Variants in TLE1 observed in about 807,000 individuals in gnomAD.
TLE1 encodes TLE family member 1, transcriptional corepressor.
Under a neutral mutation model 89.8 loss-of-function variants are expected in TLE1, and 21 were observed. The observed-to-expected ratio is 0.23, with a 90% CI of 0.17 to 0.34. The LOEUF (loss-of-function observed/expected upper bound fraction) is 0.34. Ranked by LOEUF, TLE1 falls within the 10% of genes least tolerant of loss-of-function variation. The pLI is 1.00. For missense variants in TLE1, 795 were observed against 1,031.2 expected (o/e 0.77, Z 3.14); for synonymous variants, 447 against 407.6 (o/e 1.10, Z -1.16).
At chr9:81,655,646 C>A (rs186969233) in intron 4 of TLE1, among the ~76,000 whole-genome samples, 41 of 151,914 alleles carry the variant, frequency 2.7e-4, no homozygotes, top group Non-Finnish European at 4.6e-4. Flanking sequence ...ATCATTTTGT[C>A]AATGCTTACT....
chr9:81,652,357 A>C (rs577255999), intron 5 of TLE1, 69 bp from the exon 6 acceptor site: 1 of 1,367,450 alleles, frequency 7.3e-7, no homozygotes, highest in East Asian at 2.3e-5. Context: ...CTAACAACAA[A>C]AAGTCAAATG....
At chr9:81,652,144 G>A (rs779938185) in intron 6 of TLE1, 70 bp downstream of exon 6, 2 of 1,087,124 alleles carry the variant, frequency 1.8e-6, no homozygotes, top group Non-Finnish European at 2.6e-6. Context: ...CACACGTAAA[G>A]CCATCAAATT....
intron 5 of TLE1, among the ~76,000 whole-genome samples, chr9:81,653,005 C>G (rs945529424): frequency 6.6e-6 from 1 of 152,060 alleles, no homozygotes; most frequent in Non-Finnish European, 1.5e-5. Flanking sequence ...CCACACCTCC[C>G]AACTCCCAAC....
chr9:81,629,558 G>C (rs995770361), intron 8 of TLE1, among the ~76,000 whole-genome samples: 34 of 152,104 alleles, frequency 2.2e-4, no homozygotes, highest in African/African-American at 7.5e-4. Flanking sequence ...TTCACTCTTA[G>C]AACAGCCATG....
In TLE1 at chr9:81,687,320, G is replaced by A. The variant is rs777050238; in HGVS notation, c.125+14C>T. 1.3e-6 allele frequency: 2 copies of A among 1,593,412 alleles called. No homozygotes were observed. Among genetic ancestry groups the A allele is most frequent in the Non-Finnish European group, 1.7e-6 (2 of 1,171,340 alleles). On this transcript the variant is annotated intron_variant, in intron 2 of 19. Coordinates refer to ENST00000376499, the MANE Select transcript of TLE1 (RefSeq NM_005077.5). Reference sequence around the variant, plus strand: ...ACGCCCGCGACCACTCGCATGGCGCGGCCGGACACGCACCTGTGATACTGC... The same window carrying A: ...ACGCCCGCGACCACTCGCATGGCGCAGCCGGACACGCACCTGTGATACTGC...
chr9:81,633,387 A>G, intron 7 of TLE1, 23 bp from the exon 8 acceptor site: 1 of 1,613,966 alleles, frequency 6.2e-7, no homozygotes. Context: ...TTACCAAGAA[A>G]CGCACAGACA....
chr9:81,669,230 G>C (rs1831892040), intron 4 of TLE1, among the ~76,000 whole-genome samples: 1 of 152,188 alleles, frequency 6.6e-6, no homozygotes, highest in African/African-American at 2.4e-5. Flanking sequence ...TCTGTGGTGA[G>C]GATGAGAGGA....
intron 14 of TLE1, among the ~76,000 whole-genome samples, chr9:81,608,469 G>A (rs1482694876): frequency 6.6e-6 from 1 of 152,076 alleles, no homozygotes; most frequent in Non-Finnish European, 1.5e-5. Context: ...AGCTGTGATT[G>A]TGCCACTGCA....
At chr9:81,593,671 C>T (rs1457479345) in intron 14 of TLE1, among the ~76,000 whole-genome samples, 2 of 152,022 alleles carry the variant, frequency 1.3e-5, no homozygotes, top group East Asian at 3.9e-4. Context: ...ATTGTTTTCC[C>T]TGCTAAAGAT....
chr9:81,649,679 C>A (rs1588119575), intron 6 of TLE1, among the ~76,000 whole-genome samples: 2 of 152,268 alleles, frequency 1.3e-5, no homozygotes, highest in East Asian at 3.9e-4. Context: ...ACAATACTGA[C>A]AGCTGCTATC....
chr9:81,659,007 A>C (rs2627003), intron 4 of TLE1, among the ~76,000 whole-genome samples: 70,253 of 151,744 alleles, frequency 0.46, 17,344 homozygotes, highest in East Asian at 0.65. Flanking sequence ...CTCCCTGGTT[A>C]AAGCAATTCT....
intron 4 of TLE1, among the ~76,000 whole-genome samples, chr9:81,676,311 T>C (rs144257500): frequency 2.8e-4 from 42 of 152,254 alleles, no homozygotes; most frequent in African/African-American, 9.4e-4. Context: ...GACTGCAACC[T>C]AGTCGGAGCA....
chr9:81,642,718 GGAAA>G (rs1026097170), intron 6 of TLE1, among the ~76,000 whole-genome samples: 6 of 151,078 alleles, frequency 4.0e-5, no homozygotes, highest in Non-Finnish European at 8.9e-5. Flanking sequence ...AAGAAAGAAA[GGAAA>G]GAAAGAAAGA....
At chr9:81,608,205 T>C (rs1359011352) in intron 14 of TLE1, among the ~76,000 whole-genome samples, 1 of 151,920 alleles carries the variant, frequency 6.6e-6, no homozygotes, top group East Asian at 2.0e-4. Context: ...AGCCAGGGCC[T>C]CACAACTTTA....
intron 4 of TLE1, 87 bp from the exon 5 acceptor site, chr9:81,654,123 T>TC: frequency 1.7e-6 from 2 of 1,195,798 alleles, no homozygotes; most frequent in South Asian, 2.5e-5. Flanking sequence ...ACTTCAGTCC[T>TC]CCTCTCCCTT....
chr9:81,665,163 G>A (rs1831306849), intron 4 of TLE1, among the ~76,000 whole-genome samples: 1 of 152,158 alleles, frequency 6.6e-6, no homozygotes, highest in African/African-American at 2.4e-5. Context: ...AAAACACTGA[G>A]GCAAGAACAC....
chr9:81,635,680 G>A (rs1000120549), intron 6 of TLE1, among the ~76,000 whole-genome samples: 3 of 152,016 alleles, frequency 2.0e-5, no homozygotes, highest in Admixed American at 6.6e-5. Flanking sequence ...ATCCCTTTGC[G>A]TGCACTGAAC....
intron 15 of TLE1, 39 bp from the exon 16 acceptor site, chr9:81,591,091 C>A: frequency 1.3e-6 from 2 of 1,594,146 alleles, no homozygotes; most frequent in Middle Eastern, 1.7e-4. Context: ...AATGAATTAC[C>A]GAGCAATCAT....
intron 18 of TLE1, among the ~76,000 whole-genome samples, chr9:81,584,927 T>C (rs1478275221): frequency 1.3e-5 from 2 of 151,968 alleles, no homozygotes; most frequent in South Asian, 2.1e-4. Context: ...TCATATAGCA[T>C]GAAGAAAAAT....
Sources: allele counts gnomAD v4.1 joint callset (sites outside exome capture counted in the v4.1 genomes callset), GRCh38; gene constraint gnomAD v4.1.1; transcripts MANE v1.5; gene names NCBI Gene and HGNC (gene_info 2026-07-23, HGNC 2026-07-21).